Variants in RARB observed in about 807,000 individuals in gnomAD.
RARB encodes retinoic acid receptor beta.
A neutral mutation model predicts 51.9 loss-of-function variants in RARB; 17 were observed. The observed-to-expected ratio is 0.33, with a 90% CI of 0.22 to 0.49. The LOEUF is 0.49. Among genes scored for constraint, RARB ranks in the 20% least tolerant of loss-of-function variants. RARB has a pLI of 0.99. For synonymous variants in RARB, 215 were observed against 195.4 expected (o/e 1.10, Z -0.84); for missense variants, 369 against 550.8 (o/e 0.67, Z 3.30).
intron 5 of RARB, among the ~76,000 whole-genome samples, chr3:25,207,330 G>A (rs1382672198): frequency 2.0e-5 from 3 of 152,056 alleles, no homozygotes; most frequent in Admixed American, 6.5e-5. Flanking sequence ...TTCACTTAAC[G>A]TTCAATGACA....
Position 25,031,388 on chromosome 3 carries a change from G to T in RARB, c.-379-28737G>T, listed in dbSNP as rs372191522. 1.6e-4 allele frequency among the ~76,000 whole-genome samples: 25 copies of T among 152,238 alleles called. No homozygotes were observed. The East Asian group carries it at 4.4e-3, about 27-fold the overall frequency. On this transcript the variant is annotated intron_variant, in intron 2 of 11. Coordinates refer to the RARB transcript ENST00000383772. ...AACTAGTTTAGTTGCCCTCTTCCTG[G>T]CCGGTAAGCTTTTCCTACAAATTCC...
intron 5 of RARB, among the ~76,000 whole-genome samples, chr3:25,223,710 TA>T (rs375624041): frequency 2.0e-5 from 3 of 152,214 alleles, no homozygotes; most frequent in Non-Finnish European, 4.4e-5. Context: ...GAGTAAAATA[TA>T]AAGAGAAAAG....
chr3:25,296,898 T>C (rs2125425093), intron 5 of RARB, among the ~76,000 whole-genome samples: 2 of 152,258 alleles, frequency 1.3e-5, no homozygotes, highest in South Asian at 4.1e-4. Context: ...GACAAGATAT[T>C]TTGCAGGAGT....
chr3:25,242,625 T>G (rs1277884948), intron 5 of RARB, among the ~76,000 whole-genome samples: 4 of 152,146 alleles, frequency 2.6e-5, no homozygotes, highest in African/African-American at 7.2e-5. Context: ...TGTAGATGTG[T>G]GGCGTTATTT....
chr3:24,854,210 C>G (rs1449616630), intron 1 of RARB, among the ~76,000 whole-genome samples: 1 of 152,202 alleles, frequency 6.6e-6, no homozygotes, highest in African/African-American at 2.4e-5. Context: ...CATGCAAACT[C>G]TCCTTGGACT....
At chr3:25,523,694 C>T (rs573011259) in intron 3 of RARB, among the ~76,000 whole-genome samples, 74 of 152,236 alleles carry the variant, frequency 4.9e-4, no homozygotes, top group African/African-American at 1.7e-3. Flanking sequence ...AAAGGCTTAA[C>T]GAATGTTTTT....
intron 1 of RARB, among the ~76,000 whole-genome samples, chr3:24,858,488 G>C (rs1358122786): frequency 2.0e-5 from 3 of 152,208 alleles, no homozygotes; most frequent in Non-Finnish European, 2.9e-5. Context: ...CTTCAGTGAA[G>C]AAGTTTCAGT....
intron 2 of RARB, among the ~76,000 whole-genome samples, chr3:24,889,675 A>AGTGTGTGTGTGTGTGTGTGTGTGTGTGT (rs71057686): frequency 2.1e-5 from 3 of 142,868 alleles, no homozygotes; most frequent in African/African-American, 7.7e-5. Context: ...CACCTCTTAA[A>AGTGTGTGTGTGTGTGTGTGTGTGTGTGT]GTGTGTGTGT....
intron 4 of RARB, among the ~76,000 whole-genome samples, chr3:25,155,377 A>T (rs769195756): frequency 6.6e-6 from 1 of 152,144 alleles, no homozygotes; most frequent in Non-Finnish European, 1.5e-5. Context: ...GTGGGCAGGG[A>T]TTGTTCCTCC....
At chr3:24,909,570 T>A (rs1479299670) in intron 2 of RARB, among the ~76,000 whole-genome samples, 1 of 152,012 alleles carries the variant, frequency 6.6e-6, no homozygotes, top group Non-Finnish European at 1.5e-5. Flanking sequence ...CATCTTTTTT[T>A]TTTTTTTTGG....
intron 1 of RARB, among the ~76,000 whole-genome samples, chr3:25,430,087 C>T (rs572550533): frequency 5.9e-5 from 9 of 152,262 alleles, no homozygotes; most frequent in Middle Eastern, 3.4e-3. Flanking sequence ...AGACTTGCTT[C>T]TTGGGCCGGG....
intron 2 of RARB, among the ~76,000 whole-genome samples, chr3:24,959,718 T>TA (rs1049609562): frequency 6.6e-6 from 1 of 152,028 alleles, no homozygotes; most frequent in Non-Finnish European, 1.5e-5. Context: ...AGCCAGAGGA[T>TA]AATTGACAGT....
At chr3:25,153,219 A>G (rs73145360) in intron 4 of RARB, among the ~76,000 whole-genome samples, 2,512 of 152,158 alleles carry the variant, frequency 0.017, 74 homozygotes, top group African/African-American at 0.057. Flanking sequence ...ATTCTTCACC[A>G]GGAAACATGT....
intron 2 of RARB, among the ~76,000 whole-genome samples, chr3:24,958,526 G>C (rs999051622): frequency 2.0e-5 from 3 of 151,860 alleles, no homozygotes; most frequent in African/African-American, 7.3e-5. Context: ...CTCTCTTTAG[G>C]TTTCCCTTTT....
intron 2 of RARB, among the ~76,000 whole-genome samples, chr3:25,022,253 T>C (rs1697654352): frequency 6.6e-6 from 1 of 152,222 alleles, no homozygotes; most frequent in Non-Finnish European, 1.5e-5. Context: ...TTGTCATTAC[T>C]CACCCTAAGG....
intron 3 of RARB, among the ~76,000 whole-genome samples, chr3:25,517,009 C>A (rs542313343): frequency 2.0e-5 from 3 of 152,280 alleles, no homozygotes; most frequent in Admixed American, 6.5e-5. Flanking sequence ...ATGACAAATT[C>A]TTCCCTAATG....
intron 2 of RARB, among the ~76,000 whole-genome samples, chr3:25,479,136 TTGTCTGTC>T (rs3074669): frequency 1.3e-5 from 2 of 151,604 alleles, no homozygotes; most frequent in Non-Finnish European, 2.9e-5. Flanking sequence ...TTTAAAAATG[TTGTCTGTC>T]TGTCTGTCTT....
chr3:25,200,781 G>A (rs1422028882), intron 5 of RARB, among the ~76,000 whole-genome samples: 1 of 152,064 alleles, frequency 6.6e-6, no homozygotes, highest in Non-Finnish European at 1.5e-5. Context: ...TGAGGGCTCT[G>A]TTCTGTTCCA....
rs4312625 is a variant in RARB, at chr3:25,135,887, C to G, written c.-280+3679C>G. 4.0e-5 allele frequency among the ~76,000 whole-genome samples: 6 copies of G among 151,846 alleles called. No individual in the cohort carries two copies. In the East Asian group the frequency reaches 1.2e-3, roughly 29 times the overall value. ...CAACATCATGAACAGTATTCATAAT[C>G]TTGAAAGTAATTTGTCAAGAAAAGC... On this transcript the variant is annotated intron_variant, in intron 4 of 11. Coordinates refer to the RARB transcript ENST00000383772.
Sources: allele counts gnomAD v4.1 joint callset (sites outside exome capture counted in the v4.1 genomes callset), GRCh38; gene constraint gnomAD v4.1.1; transcripts MANE v1.5; gene names NCBI Gene and HGNC (gene_info 2026-07-23, HGNC 2026-07-21).